The following LHX6 variants were observed in gnomAD, a reference collection of about 807,000 sequenced individuals.
LHX6 encodes the protein LIM/homeobox protein Lhx6.
Under a neutral mutation model 47.1 loss-of-function variants are expected in LHX6, and 15 were observed. The observed-to-expected ratio is 0.32, with a 90% confidence interval of 0.21 to 0.49. LHX6 has a LOEUF of 0.49. Ranked by LOEUF, LHX6 falls within the 20% of genes least tolerant of loss-of-function variation. The pLI is 0.99. For synonymous variants in LHX6, 242 were observed against 233.5 expected, an observed-to-expected ratio of 1.04 and a Z score of -0.33; for missense variants, 404 against 539.6, an observed-to-expected ratio of 0.75 and a Z score of 2.49.
Position 122,227,496 on chromosome 9 carries a change from AGGG to A in LHX6, c.85-19_85-17del. 109 of 633,002 alleles carry A rather than the reference AGGG, an allele frequency of 1.7e-4. No homozygotes were observed. Among genetic ancestry groups the A allele is most frequent in the Non-Finnish European group, 2.3e-4 (92 of 402,014 alleles). 39.2% of individuals were successfully genotyped at this position (633,002 alleles called of 1,614,324 possible). ...GGGCCATCACCTGGGGGAGGGGGGGAGGGAACGCAGGCGGCGGCGGCTGCTGAA... is the reference window on the plus strand; with the variant it reads ...GGGCCATCACCTGGGGGAGGGGGGGAAACGCAGGCGGCGGCGGCTGCTGAA... On this transcript the variant is annotated splice_polypyrimidine_tract_variant and intron_variant, in intron 1 of 9. Coordinates refer to ENST00000394319, the MANE Select transcript of LHX6 (RefSeq NM_014368.5).
chr9:122,227,174 G>T, intron 2 of LHX6, 144 bp from the exon 3 acceptor site: 1 of 836,766 alleles, frequency 1.2e-6, no homozygotes, highest in Non-Finnish European at 1.8e-6. Flanking sequence ...GGACAGGGAT[G>T]GAAGGGCCTA....
At position 122,213,957 on chromosome 9, in the gene LHX6, G is replaced by GC; in HGVS notation, c.879+16dup. On this transcript the variant is annotated intron_variant, in intron 7 of 9. Transcript: ENST00000394319. The surrounding 1 kb of genome is among the most constrained non-coding windows in gnomAD (Gnocchi z 5.5). ...GGCGTGCCCGCGGTCCCCAGGCCCC[G>GC]CCCACCCCCGTCCCACCTGGATGAC... The GC allele has an allele frequency of 1.4e-4, 105 of 752,340 alleles. No individual in the cohort carries two copies. Among genetic ancestry groups the GC allele is most frequent in the Non-Finnish European group, 2.0e-4 (95 of 474,672 alleles). 46.6% of individuals were successfully genotyped at this position (752,340 alleles called of 1,614,324 possible).
At chr9:122,228,238 CA>C in intron 1 of LHX6, 2 of 1,533,044 alleles carry the variant, frequency 1.3e-6, no homozygotes, top group Admixed American at 2.0e-5. Flanking sequence ...GAAACGGGAC[CA>C]AAAAGAGAAA....
At chr9:122,209,111 C>G (rs547700886) in intron 9 of LHX6, among the ~76,000 whole-genome samples, 1 of 152,320 alleles carries the variant, frequency 6.6e-6, no homozygotes, top group South Asian at 2.1e-4. Flanking sequence ...GGAATGGGGA[C>G]AGCTAAGCAC....
At position 122,213,823 on chromosome 9, in the gene LHX6, T is replaced by G. The variant is rs1588343167; in HGVS notation, c.880-43A>C. 4.5e-6 allele frequency: 7 copies of G among 1,551,342 alleles called. No homozygotes were observed. Among genetic ancestry groups the G allele is most frequent in the South Asian group, 1.2e-5 (1 of 84,788 alleles). ...GCAGCCTCAGCCTCGAGGAAAAGAGTCGGACGCGCCGCCGGGAGACCCCAG... is the reference window on the plus strand; with the variant it reads ...GCAGCCTCAGCCTCGAGGAAAAGAGGCGGACGCGCCGCCGGGAGACCCCAG... On this transcript the variant is annotated intron_variant, in intron 7 of 9. Transcript: ENST00000394319. The surrounding 1 kb of genome is among the most constrained non-coding windows in gnomAD (Gnocchi z 5.5).
rs78771911 is a variant in LHX6 at position 122,214,454 on chromosome 9, G to A, written c.683-71C>T. On this transcript the variant is annotated intron_variant, in intron 5 of 9. Transcript: ENST00000394319. This position sits in a 1 kb window ranked among gnomAD's most constrained non-coding sequence, Gnocchi z 4.6. Reference sequence around the variant, plus strand: ...GTGGCAGCCTGGAAAGGACGGGGGTGGGGGGAGCTTGTCCCTGGAAGGGTC... The same window carrying A: ...GTGGCAGCCTGGAAAGGACGGGGGTAGGGGGAGCTTGTCCCTGGAAGGGTC... 19 of 1,436,600 alleles carry A rather than the reference G, an allele frequency of 1.3e-5. No individual in the cohort carries two copies. Among genetic ancestry groups the A allele is most frequent in the Non-Finnish European group, 1.7e-5 (19 of 1,099,218 alleles). 89.0% of individuals were successfully genotyped at this position (1,436,600 alleles called of 1,614,324 possible).
At chr9:122,205,325 C>G (rs760161103) in intron 9 of LHX6, among the ~76,000 whole-genome samples, 1 of 152,224 alleles carries the variant, frequency 6.6e-6, no homozygotes, top group Non-Finnish European at 1.5e-5. Context: ...CACAGGGCCA[C>G]GGGCTAAGCA....
rs576635452 is a variant in LHX6 at position 122,208,829 on chromosome 9, C to CT, written c.1158+784dup. Among the ~76,000 whole-genome samples, 263 of 93,690 alleles carry CT rather than the reference C, an allele frequency of 2.8e-3. 2 individuals carry two copies. The highest frequency in any genetic ancestry group is 0.011 in the African/African-American group (248 of 23,348). The allele number at this position is 93,690 out of a possible 152,430, so 61.5% of individuals were successfully genotyped here. On this transcript the variant is annotated intron_variant, in intron 9 of 9. Transcript: ENST00000394319. ...CAGCCTGGGCGATAAGAGTGAAACTCTGTCTAAAAAAAAAAAAAAAAAAAA... is the reference window on the plus strand; with the variant it reads ...CAGCCTGGGCGATAAGAGTGAAACTCTTGTCTAAAAAAAAAAAAAAAAAAAA...
intron 4 of LHX6, among the ~76,000 whole-genome samples, chr9:122,225,857 C>A (rs1436748036): frequency 6.6e-6 from 1 of 152,200 alleles, no homozygotes; most frequent in Admixed American, 6.5e-5. Flanking sequence ...TGGGCTGGAC[C>A]AGACTCGAAC....
intron 4 of LHX6, among the ~76,000 whole-genome samples, chr9:122,222,909 G>C (rs891671401): frequency 2.6e-5 from 4 of 152,200 alleles, no homozygotes; most frequent in African/African-American, 9.6e-5. Flanking sequence ...TGGGCAGAGT[G>C]CTCCAGTCCA....
intron 2 of LHX6, 107 bp from the exon 3 acceptor site, chr9:122,227,137 C>A: frequency 9.3e-7 from 1 of 1,081,076 alleles, no homozygotes; most frequent in South Asian, 1.7e-5. Context: ...AACGAAATCT[C>A]CCCAGGACAA....
chr9:122,206,483 C>T (rs766075856), intron 9 of LHX6, among the ~76,000 whole-genome samples: 1 of 152,144 alleles, frequency 6.6e-6, no homozygotes, highest in South Asian at 2.1e-4. Flanking sequence ...AGTGAGAGGA[C>T]AGAAGGTCAT....
At position 122,209,695 on chromosome 9, in the gene LHX6, C is replaced by T; in HGVS notation, c.1077G>A (p.Val359=). 2.1e-6 allele frequency: 2 copies of T among 931,840 alleles called. No individual in the cohort carries two copies. Among genetic ancestry groups the T allele is most frequent in the Non-Finnish European group, 1.8e-6 (1 of 556,472 alleles). The allele number at this position is 931,840 out of a possible 1,614,324, so 57.7% of individuals were successfully genotyped here. Residue 359 remains valine (V), a synonymous_variant, in exon 9 of 10, where the codon GTG becomes GTA. Transcript: ENST00000394319. ...YIESQVQCGQ[V]HCRLPYTAPP... ...GTGCGGTGTAAGGCAGCCGGCAGTG[C>T]ACCTGCCCGCACTGTACCTGACCTG...
In LHX6 at chr9:122,226,329, CG is replaced by C; in HGVS notation, c.461+46del. On this transcript the variant is annotated intron_variant, in intron 4 of 9. Transcript: ENST00000394319. The surrounding 1 kb of genome is among the most constrained non-coding windows in gnomAD (Gnocchi z 6.5). ...CGCAAAAGTGGCCTCCGAATGCGCC[CG>C]GGGCCTGCCCTCGGCGACACTGCTG... is the stretch of plus-strand genomic sequence containing the variant. 2 of 1,580,048 alleles carry C rather than the reference CG, an allele frequency of 1.3e-6. No homozygotes were observed. The highest frequency in any genetic ancestry group is 1.7e-6 in the Non-Finnish European group (2 of 1,162,280).
chr9:122,213,920 T>C lies in LHX6; in HGVS notation c.879+54A>G. ...CACCACCCTCCGCGCCGAGCCCAGC[T>C]ACGAGCTCCGGGGCGTGCCCGCGGT... On this transcript the variant is annotated intron_variant, in intron 7 of 9. Transcript: ENST00000394319. This position sits in a 1 kb window ranked among gnomAD's most constrained non-coding sequence, Gnocchi z 5.5. The C allele has an allele frequency of 1.3e-6, 2 of 1,549,408 alleles. No individual in the cohort carries two copies. Among genetic ancestry groups the C allele is most frequent in the Non-Finnish European group, 1.8e-6 (2 of 1,139,340 alleles).
intron 1 of LHX6, chr9:122,228,168 G>C: frequency 3.0e-6 from 3 of 1,005,302 alleles, no homozygotes; most frequent in Non-Finnish European, 4.2e-6. Context: ...CACGGATTCA[G>C]GCGCCTTTCG....
chr9:122,228,572 G>T (rs1831209174), intron 1 of LHX6, 85 bp downstream of exon 1: 1 of 1,245,390 alleles, frequency 8.0e-7, no homozygotes, highest in Non-Finnish European at 1.0e-6. Flanking sequence ...TCCTGCAACC[G>T]CCCGCCACCC....
chr9:122,219,354 T>G (rs2118880929), intron 4 of LHX6, among the ~76,000 whole-genome samples: 1 of 152,302 alleles, frequency 6.6e-6, no homozygotes, highest in South Asian at 2.1e-4. Context: ...CACAGGCGGT[T>G]CCGGACCTCG....
At chr9:122,222,408 G>T (rs548990755) in intron 4 of LHX6, among the ~76,000 whole-genome samples, 3 of 152,210 alleles carry the variant, frequency 2.0e-5, no homozygotes, top group African/African-American at 7.2e-5. Context: ...CATTTTTCTG[G>T]TGGTATTTTT....
Sources: gnomAD v4.1 joint callset for allele counts (sites outside exome capture counted in the v4.1 genomes callset) on GRCh38, gnomAD v4.1.1 for gene constraint, Gnocchi (gnomAD v3.1) non-coding constraint, MANE v1.5 for transcripts, NCBI Gene and HGNC (gene_info 2026-07-23, HGNC 2026-07-21) for gene names.